LRBA: variants seen among roughly 807,000 people sequenced by gnomAD.
LRBA encodes lipopolysaccharide-responsive and beige-like anchor protein.
A neutral mutation model predicts 330.0 loss-of-function variants in LRBA; 176 were observed. The observed-to-expected ratio is 0.53, with a 90% CI of 0.47 to 0.60. The LOEUF is 0.60. Ranked by LOEUF, LRBA falls within the 20% of genes least tolerant of loss-of-function variation. LRBA has a pLI of 0.00. For missense variants in LRBA, 3,259 were observed against 3,444.8 expected (o/e 0.95, Z 1.35); for synonymous variants, 1,230 against 1,193.0 (o/e 1.03, Z -0.64).
chr4:150,801,033 T>C (rs1741537289), intron 33 of LRBA, among the ~76,000 whole-genome samples: 1 of 152,084 alleles, frequency 6.6e-6, no homozygotes, highest in Non-Finnish European at 1.5e-5. Flanking sequence ...AATCCTCAAG[T>C]ATACAATGAA....
intron 37 of LRBA, among the ~76,000 whole-genome samples, chr4:150,634,854 T>C (rs1777729684): frequency 6.6e-6 from 1 of 152,150 alleles, no homozygotes; most frequent in South Asian, 2.1e-4. Context: ...GAAGCCGTAG[T>C]CTTAAGCAGT....
chr4:150,323,045 T>C (rs1011127530), intron 49 of LRBA, among the ~76,000 whole-genome samples: 18 of 95,684 alleles, frequency 1.9e-4, no homozygotes, highest in Admixed American at 3.9e-4. Context: ...TGATGGTTGA[T>C]GGGGGAGCTC....
chr4:150,554,845 T>C (rs1276761976), intron 40 of LRBA, among the ~76,000 whole-genome samples: 1 of 152,090 alleles, frequency 6.6e-6, no homozygotes, highest in East Asian at 1.9e-4. Flanking sequence ...ATGCCACTTA[T>C]AAAAAACTCA....
chr4:150,391,467 A>G (rs1015130303), intron 47 of LRBA, among the ~76,000 whole-genome samples: 1 of 152,206 alleles, frequency 6.6e-6, no homozygotes, highest in Admixed American at 6.5e-5. Flanking sequence ...ATATGATCAG[A>G]TGGAAGCCCT....
intron 48 of LRBA, among the ~76,000 whole-genome samples, chr4:150,331,006 A>G (rs1187565204): frequency 6.6e-6 from 1 of 152,130 alleles, no homozygotes; most frequent in African/African-American, 2.4e-5. Flanking sequence ...TGCTATTAGA[A>G]AGAAACCAAA....
chr4:150,440,970 T>G (rs941938986), intron 44 of LRBA, among the ~76,000 whole-genome samples: 1 of 152,068 alleles, frequency 6.6e-6, no homozygotes, highest in African/African-American at 2.4e-5. Flanking sequence ...AAACAGGATA[T>G]GCAAAATAAA....
intron 40 of LRBA, among the ~76,000 whole-genome samples, chr4:150,521,802 G>C (rs947926975): frequency 2.0e-5 from 3 of 152,092 alleles, no homozygotes; most frequent in African/African-American, 7.2e-5. Flanking sequence ...GCATTTATAA[G>C]GATGAGGAAT....
chr4:150,293,262 A>T (rs1459989408), intron 53 of LRBA, among the ~76,000 whole-genome samples: 3 of 152,222 alleles, frequency 2.0e-5, no homozygotes, highest in Non-Finnish European at 2.9e-5. Flanking sequence ...CATAATGGTA[A>T]ATCAAGAAAG....
At chr4:150,923,987 C>T (rs984313808) in intron 4 of LRBA, among the ~76,000 whole-genome samples, 1 of 152,166 alleles carries the variant, frequency 6.6e-6, no homozygotes, top group African/African-American at 2.4e-5. Context: ...TAACAAGTAA[C>T]TACAATCACA....
intron 13 of LRBA, among the ~76,000 whole-genome samples, chr4:150,900,886 T>G (rs1230775348): frequency 6.6e-6 from 1 of 152,120 alleles, no homozygotes; most frequent in Non-Finnish European, 1.5e-5. Flanking sequence ...TGAAAGTAAA[T>G]AGTCTAAAAA....
intron 17 of LRBA, among the ~76,000 whole-genome samples, chr4:150,876,392 TCAC>T (rs2127024009): frequency 1.3e-5 from 2 of 151,972 alleles, no homozygotes; most frequent in African/African-American, 4.8e-5. Context: ...AAAATGAACA[TCAC>T]CACAGCATAT....
At chr4:151,008,348 T>C (rs780041813) in intron 2 of LRBA, among the ~76,000 whole-genome samples, 11 of 152,110 alleles carry the variant, frequency 7.2e-5, no homozygotes, top group Non-Finnish European at 8.8e-5. Flanking sequence ...CTCAAAGTGC[T>C]GTGATTACAG....
intron 40 of LRBA, among the ~76,000 whole-genome samples, chr4:150,502,765 C>A (rs1228041239): frequency 1.3e-5 from 2 of 152,224 alleles, no homozygotes; most frequent in Admixed American, 1.3e-4. Context: ...ATTGCCTTAC[C>A]CGAGAAGCGC....
intron 2 of LRBA, among the ~76,000 whole-genome samples, chr4:150,929,275 T>C (rs1201100759): frequency 1.3e-5 from 2 of 152,174 alleles, no homozygotes; most frequent in African/African-American, 4.8e-5. Flanking sequence ...AATTAAAATA[T>C]TTTTCAACAA....
chr4:150,796,812 A>C (rs1354296829), intron 34 of LRBA, among the ~76,000 whole-genome samples: 1 of 151,986 alleles, frequency 6.6e-6, no homozygotes, highest in Admixed American at 6.5e-5. Flanking sequence ...CAAAACCATA[A>C]GAATGCTCTT....
chr4:151,004,851 C>T (rs541563617), intron 2 of LRBA, among the ~76,000 whole-genome samples: 4 of 151,972 alleles, frequency 2.6e-5, no homozygotes, highest in African/African-American at 7.2e-5. Context: ...CCAGGCATGG[C>T]GGCATGAGCC....
intron 40 of LRBA, among the ~76,000 whole-genome samples, chr4:150,551,713 G>A (rs1331039038): frequency 6.6e-6 from 1 of 151,892 alleles, no homozygotes; most frequent in East Asian, 1.9e-4. Flanking sequence ...CACCCTGATT[G>A]AAATATATGA....
At chr4:150,803,958 C>T (rs1742164177) in intron 33 of LRBA, among the ~76,000 whole-genome samples, 1 of 151,934 alleles carries the variant, frequency 6.6e-6, no homozygotes, top group Admixed American at 6.6e-5. Flanking sequence ...AATTCAAAGA[C>T]CAATAAGCAA....
rs145721979 is a variant in LRBA at position 150,447,865 on chromosome 4, C to G, written c.6781-11001G>C. On this transcript the variant is annotated intron_variant, in intron 44 of 56. Transcript: ENST00000651943. ...AACTATGGTTCCACCATCCACACTC[C>G]TTTTCCCAAATGAGGCACCTTTTTT... 2.5e-3 allele frequency among the ~76,000 whole-genome samples: 374 copies of G among 152,302 alleles called. 2 individuals are homozygous for G. The highest frequency in any genetic ancestry group is 8.4e-3 in the African/African-American group (350 of 41,562).
Sources: allele counts gnomAD v4.1 joint callset (sites outside exome capture counted in the v4.1 genomes callset), GRCh38; gene constraint gnomAD v4.1.1; transcripts MANE v1.5; gene names NCBI Gene and HGNC (gene_info 2026-07-23, HGNC 2026-07-21).